FCHO2: variants seen among roughly 807,000 people sequenced by gnomAD.
FCHO2 encodes the protein FCH and mu domain containing endocytic adaptor 2.
Under a neutral mutation model 114.1 loss-of-function variants are expected in FCHO2, and 43 were observed. The ratio of observed to expected loss-of-function variants is 0.38; its 90% CI spans 0.30 to 0.49. The LOEUF (loss-of-function observed/expected upper bound fraction) is 0.49, where lower values mean the gene tolerates loss of function less well. Among genes scored for constraint, FCHO2 ranks in the 20% least tolerant of loss-of-function variants. The pLI, the probability that FCHO2 is intolerant of heterozygous loss-of-function variation, is 0.97. For missense variants in FCHO2, 807 were observed against 950.4 expected (o/e 0.85, Z 1.98); for synonymous variants, 293 against 315.2 (o/e 0.93, Z 0.75).
chr5:72,983,802 G>A (rs535626127), intron 2 of FCHO2, among the ~76,000 whole-genome samples: 3 of 150,872 alleles, frequency 2.0e-5, no homozygotes, highest in Non-Finnish European at 4.4e-5. Context: ...GCTGTTTTCG[G>A]TTTTTTTTCT....
At chr5:73,021,124 A>G (rs997700433) in intron 8 of FCHO2, 5 of 783,632 alleles carry the variant, frequency 6.4e-6, no homozygotes, top group African/African-American at 3.4e-5. Flanking sequence ...AAGTTCTGGA[A>G]TCCTCAGGAA....
intron 11 of FCHO2, among the ~76,000 whole-genome samples, chr5:73,050,294 C>CTATCTCTT (rs550283829): frequency 8.1e-6 from 1 of 123,522 alleles, no homozygotes; most frequent in East Asian, 2.5e-4. Context: ...TAGCTTTCTG[C>CTATCTCTT]TATTTATTTA....
At chr5:73,045,691 A>G (rs62362190) in intron 11 of FCHO2, among the ~76,000 whole-genome samples, 45,276 of 152,014 alleles carry the variant, frequency 0.3, 6,962 homozygotes, top group East Asian at 0.44. Flanking sequence ...TTTGCCTAGT[A>G]TAATTGTTTC....
In FCHO2 at chr5:72,968,486, T is replaced by C. The variant is rs767001998; in HGVS notation, c.34-12T>C. 2.4e-5 allele frequency: 36 copies of C among 1,491,154 alleles called. No homozygotes were observed. Among genetic ancestry groups the C allele is most frequent in the Non-Finnish European group, 3.1e-5 (35 of 1,125,932 alleles). 92.4% of individuals were successfully genotyped at this position (1,491,154 alleles called of 1,614,324 possible). On this transcript the variant is annotated splice_polypyrimidine_tract_variant and intron_variant, in intron 1 of 25. Coordinates refer to ENST00000430046, the MANE Select transcript of FCHO2 (RefSeq NM_138782.3). ...GTTTTTTTATGAAACTAAAAATCTT[T>C]TTAAATTTTAGGGGGAAAAAAATAG...
intron 2 of FCHO2, among the ~76,000 whole-genome samples, chr5:72,987,695 C>G (rs1464892641): frequency 6.6e-6 from 1 of 152,136 alleles, no homozygotes; most frequent in East Asian, 1.9e-4. Context: ...CTGTTAAACT[C>G]ACACATTGAT....
intron 6 of FCHO2, among the ~76,000 whole-genome samples, chr5:73,009,866 TA>T (rs1189171292): frequency 2.0e-5 from 3 of 152,186 alleles, no homozygotes; most frequent in Non-Finnish European, 2.9e-5. Context: ...AACATTAATT[TA>T]TTTGAGCAAA....
At chr5:73,020,576 A>G in intron 8 of FCHO2, 1 of 652,858 alleles carries the variant, frequency 1.5e-6, no homozygotes, top group South Asian at 1.8e-5. Context: ...GTTGTCGTGC[A>G]ACAGCAGTAG....
At chr5:72,956,346 G>T (rs1032104608) in intron 1 of FCHO2, among the ~76,000 whole-genome samples, 1 of 151,648 alleles carries the variant, frequency 6.6e-6, no homozygotes, top group East Asian at 2.0e-4. Flanking sequence ...CTGTCACCGC[G>T]GCCCGGGGGC....
At position 73,037,195 on chromosome 5, in the gene FCHO2, G is replaced by T; in HGVS notation, c.894G>T (p.Lys298Asn). The change falls in exon 10 of 26, where the codon AAG (lysine) becomes AAT (asparagine). Residue 298 changes from lysine to asparagine, a missense_variant. Transcript: ENST00000430046. ...KTFALPGIIK[K>N]EKDAESVECP... is the part of the protein sequence containing the mutation. ...TTGCTTTGCCAGGAATCATTAAAAA[G>T]GAAAAAGATGCAGAATCTGTGTAAG... The T allele has an allele frequency of 6.3e-7, 1 of 1,596,196 alleles. No individual in the cohort carries two copies. The highest frequency in any genetic ancestry group is 8.5e-7 in the Non-Finnish European group (1 of 1,172,002).
At chr5:73,051,566 T>G (rs865821460) in intron 12 of FCHO2, among the ~76,000 whole-genome samples, 160 bp downstream of exon 12, 1 of 148,574 alleles carries the variant, frequency 6.7e-6, no homozygotes, top group African/African-American at 2.6e-5. Flanking sequence ...TTGTTTTTTG[T>G]TTTTTTTGGG....
intron 22 of FCHO2, 65 bp downstream of exon 22, chr5:73,078,377 A>G: frequency 2.2e-6 from 3 of 1,361,806 alleles, no homozygotes; most frequent in South Asian, 1.4e-5. Context: ...TAGCATATAA[A>G]TGAATAAGTA....
In FCHO2 at chr5:73,088,127, A is replaced by G. The variant is rs773821436; in HGVS notation, c.*37A>G. 1.9e-6 allele frequency: 3 copies of G among 1,611,226 alleles called. No individual in the cohort carries two copies. The highest frequency in any genetic ancestry group is 2.7e-5 in the African/African-American group (2 of 74,886). Reference sequence around the variant, plus strand: ...AAGTGATGTGGCTTCAGGGATTACAAACCTGCCATTCTGCATTATCTGTTC... The same window carrying G: ...AAGTGATGTGGCTTCAGGGATTACAGACCTGCCATTCTGCATTATCTGTTC... On this transcript the variant is annotated 3_prime_UTR_variant, in exon 26 of 26. Transcript: ENST00000430046.
chr5:72,977,277 T>C (rs1667227629), intron 2 of FCHO2, among the ~76,000 whole-genome samples: 1 of 152,180 alleles, frequency 6.6e-6, no homozygotes, highest in South Asian at 2.1e-4. Flanking sequence ...CCACATTCTC[T>C]CCAGCATCTG....
chr5:72,972,961 A>G (rs1487164199), intron 2 of FCHO2, among the ~76,000 whole-genome samples: 1 of 152,190 alleles, frequency 6.6e-6, no homozygotes, highest in Non-Finnish European at 1.5e-5. Context: ...TGAGATAATC[A>G]TGTGGTTTTT....
At chr5:73,064,454 A>G (rs1050582320) in intron 18 of FCHO2, among the ~76,000 whole-genome samples, 9 of 152,096 alleles carry the variant, frequency 5.9e-5, no homozygotes, top group African/African-American at 2.2e-4. Context: ...GAAAATCTAT[A>G]GACTCTATGC....
chr5:73,006,530 A>C lies in FCHO2; in HGVS notation c.581A>C (p.Lys194Thr). ...TTAGCAAAAGCTGATTTCGAACAGA[A>C]AATGACAGAAACAGCTCAGGTTGGT... The part of the protein sequence containing the change: ...YALAKADFEQ[K>T]MTETAQKFQD... The change falls in exon 6 of 26, where the codon AAA (lysine) becomes ACA (threonine). Residue 194 changes from lysine (K) to threonine (T), a missense_variant. By Grantham distance (78) the Lys-to-Thr change is moderately conservative. Coordinates refer to ENST00000430046, the MANE Select transcript of FCHO2 (RefSeq NM_138782.3). The C allele has an allele frequency of 6.4e-7, 1 of 1,566,282 alleles. No individual in the cohort carries two copies. Among genetic ancestry groups the C allele is most frequent in the Non-Finnish European group, 8.6e-7 (1 of 1,159,694 alleles).
intron 3 of FCHO2, 32 bp from the exon 4 acceptor site, chr5:72,990,446 A>G (rs1310124045): frequency 1.2e-5 from 17 of 1,456,740 alleles, no homozygotes; most frequent in African/African-American, 1.5e-5. Flanking sequence ...TTTACTTTTA[A>G]TAAGTTATTC....
rs141001255 is a variant in FCHO2, at chr5:73,039,326, A to C, written c.915-1965A>C. Among the ~76,000 whole-genome samples the C allele has an allele frequency of 3.3e-4, 51 of 152,350 alleles. No homozygotes were observed. The East Asian group carries it at 8.9e-3, about 27-fold the overall frequency. On this transcript the variant is annotated intron_variant, in intron 10 of 25. Transcript: ENST00000430046. The stretch of plus-strand genomic sequence containing the variant: ...TGTCATACAGCCCACTGTGAGGGCA[A>C]ACAGATAAGTACTTTACCCCAATGA...
At chr5:73,028,578 A>G (rs566637538) in intron 8 of FCHO2, among the ~76,000 whole-genome samples, 2 of 151,924 alleles carry the variant, frequency 1.3e-5, no homozygotes, top group Admixed American at 6.5e-5. Context: ...AATTACATGG[A>G]TGAATCTCAA....
Sources: allele counts gnomAD v4.1 joint callset (sites outside exome capture counted in the v4.1 genomes callset), GRCh38; gene constraint gnomAD v4.1.1; transcripts MANE v1.5; gene names NCBI Gene and HGNC (gene_info 2026-07-23, HGNC 2026-07-21).